STK32A: variants seen among roughly 807,000 people sequenced by gnomAD.
STK32A encodes the protein serine/threonine-protein kinase 32A.
STK32A carries 41 observed loss-of-function variants against 53.2 expected under a neutral mutation model. That is an observed-to-expected ratio of 0.77 (90% CI 0.60 to 1.00). The LOEUF (loss-of-function observed/expected upper bound fraction) is 1.00, where lower values mean the gene tolerates loss of function less well. Ranked by LOEUF, STK32A falls within the 50% of genes least tolerant of loss-of-function variation. The probability of loss-of-function intolerance (pLI) is 0.00; values close to 1 mark genes in which losing one functional copy is unlikely to be tolerated. For synonymous variants in STK32A, 166 were observed against 162.8 expected (o/e 1.02, Z -0.15); for missense variants, 458 against 485.8 (o/e 0.94, Z 0.54).
intron 4 of STK32A, among the ~76,000 whole-genome samples, chr5:147,304,528 G>A (rs1173689735): frequency 1.3e-5 from 2 of 152,170 alleles, no homozygotes; most frequent in Non-Finnish European, 2.9e-5. Flanking sequence ...ATCACTGGCT[G>A]TTAGATGCCA....
intron 4 of STK32A, among the ~76,000 whole-genome samples, chr5:147,319,427 C>G (rs1327287593): frequency 6.6e-6 from 1 of 152,140 alleles, no homozygotes; most frequent in Non-Finnish European, 1.5e-5. Context: ...CAGGCATGAG[C>G]CACTGTGCCT....
chr5:147,243,609 T>C (rs1306835495), intron 2 of STK32A, among the ~76,000 whole-genome samples: 1 of 151,994 alleles, frequency 6.6e-6, no homozygotes, highest in Admixed American at 6.6e-5. Flanking sequence ...GGCATGCCAG[T>C]GTGCGCCTGT....
chr5:147,392,834 C>T (rs1025292597), downstream of STK32A: 1 of 152,218 alleles, frequency 6.6e-6, no homozygotes, highest in African/African-American at 2.4e-5. Flanking sequence ...AAGGTGGAAC[C>T]AGGTCCACAA....
At chr5:147,344,774 G>A (rs574356707) in intron 6 of STK32A, among the ~76,000 whole-genome samples, 1 of 152,206 alleles carries the variant, frequency 6.6e-6, no homozygotes, top group Non-Finnish European at 1.5e-5. Flanking sequence ...TCCCTCAGCT[G>A]GGTGCCTTTG....
chr5:147,356,854 T>C (rs1029900666), intron 7 of STK32A, among the ~76,000 whole-genome samples: 1 of 152,142 alleles, frequency 6.6e-6, no homozygotes, highest in African/African-American at 2.4e-5. Flanking sequence ...GTATTTCAAA[T>C]AGGGGATACT....
intron 4 of STK32A, among the ~76,000 whole-genome samples, chr5:147,291,563 A>AGC (rs1752601149): frequency 1.3e-5 from 2 of 151,808 alleles, no homozygotes; most frequent in Admixed American, 1.3e-4. Flanking sequence ...AAAAAAAAAA[A>AGC]GAATTTCTAT....
intron 1 of STK32A, among the ~76,000 whole-genome samples, chr5:147,235,639 TA>T (rs1315055669): frequency 3.3e-5 from 5 of 152,226 alleles, no homozygotes; most frequent in Non-Finnish European, 7.3e-5. Context: ...TGCCTGTACC[TA>T]GATTTCAGAA....
intron 2 of STK32A, among the ~76,000 whole-genome samples, chr5:147,245,113 A>G (rs900736742): frequency 6.6e-6 from 1 of 152,252 alleles, no homozygotes; most frequent in Non-Finnish European, 1.5e-5. Flanking sequence ...TTGACTGCAC[A>G]AAAACATAAT....
intron 5 of STK32A, among the ~76,000 whole-genome samples, chr5:147,331,164 G>A (rs995009423): frequency 3.3e-5 from 5 of 152,292 alleles, no homozygotes; most frequent in Non-Finnish European, 5.9e-5. Context: ...CATCTGGAAA[G>A]ATGTTTTTCT....
At chr5:147,295,674 A>G (rs1041680552) in intron 4 of STK32A, among the ~76,000 whole-genome samples, 6 of 152,228 alleles carry the variant, frequency 3.9e-5, no homozygotes, top group African/African-American at 1.4e-4. Context: ...CATGACACAT[A>G]TAAACATGCA....
At chr5:147,350,669 A>G (rs980437769) in intron 6 of STK32A, among the ~76,000 whole-genome samples, 10 of 151,978 alleles carry the variant, frequency 6.6e-5, no homozygotes, top group African/African-American at 2.4e-4. Flanking sequence ...CGCCCAGCCT[A>G]TTTGCCTCTT....
intron 4 of STK32A, among the ~76,000 whole-genome samples, chr5:147,303,110 T>C (rs1753219156): frequency 6.6e-6 from 1 of 152,132 alleles, no homozygotes; most frequent in Non-Finnish European, 1.5e-5. Context: ...ACACACATAA[T>C]GTAAAATCCT....
the STK32A span, among the ~76,000 whole-genome samples, chr5:147,395,304 C>A: frequency 6.6e-6 from 1 of 152,330 alleles, no homozygotes; most frequent in East Asian, 1.9e-4. Context: ...CCAACCAGGG[C>A]TGATCTCTAG....
chr5:147,350,834 C>T (rs1299796775), intron 6 of STK32A, among the ~76,000 whole-genome samples: 12 of 152,166 alleles, frequency 7.9e-5, no homozygotes, highest in Admixed American at 2.6e-4. Flanking sequence ...AAATTCTTAA[C>T]TACTAAGGGT....
chr5:147,380,816 A>C (rs1757423150), intron 11 of STK32A, among the ~76,000 whole-genome samples: 1 of 152,234 alleles, frequency 6.6e-6, no homozygotes, highest in African/African-American at 2.4e-5. Context: ...ATAGAGAGAT[A>C]TTTTTAGGCT....
chr5:147,395,308 T>A, the STK32A span, among the ~76,000 whole-genome samples: 1 of 152,176 alleles, frequency 6.6e-6, no homozygotes, highest in Non-Finnish European at 1.5e-5. Flanking sequence ...CCAGGGCTGA[T>A]CTCTAGGCAG....
At position 147,252,053 on chromosome 5, in the gene STK32A, A is replaced by T. The variant is rs932382815; in HGVS notation, c.52+12367A>T. Among the ~76,000 whole-genome samples, 4 of 151,882 alleles carry T rather than the reference A, an allele frequency of 2.6e-5. No individual in the cohort carries two copies. The East Asian group carries it at 7.8e-4, about 29-fold the overall frequency. ...CTCCATCTCTACCATTTTTTTTTTA[A>T]TTAGTTGGGTATGGTGGCAGGAGAT... On this transcript the variant is annotated intron_variant, in intron 2 of 12. Transcript: ENST00000397936.
the STK32A span, chr5:147,398,964 A>G: frequency 4.6e-3 from 6,319 of 1,360,304 alleles, 31 homozygotes; most frequent in Non-Finnish European, 5.6e-3. Context: ...GGGATGGATT[A>G]TTATTGCAAC....
intron 2 of STK32A, among the ~76,000 whole-genome samples, chr5:147,269,561 C>T (rs888132413): frequency 6.6e-6 from 1 of 152,254 alleles, no homozygotes; most frequent in Non-Finnish European, 1.5e-5. Flanking sequence ...AGGAGAGTCA[C>T]GTTTAAGCAG....
Sources: allele counts gnomAD v4.1 joint callset (sites outside exome capture counted in the v4.1 genomes callset), GRCh38; gene constraint gnomAD v4.1.1; transcripts MANE v1.5; gene names NCBI Gene and HGNC (gene_info 2026-07-23, HGNC 2026-07-21).